Variants in SLCO4C1 observed in about 807,000 individuals in gnomAD.
SLCO4C1 encodes the protein solute carrier organic anion transporter family member 4C1.
Under a neutral mutation model 72.1 loss-of-function variants are expected in SLCO4C1, and 58 were observed. That is an observed-to-expected ratio of 0.80 (90% confidence interval 0.65 to 1.00). SLCO4C1 has a LOEUF of 1.00. Ranked by LOEUF, SLCO4C1 falls within the 50% of genes least tolerant of loss-of-function variation. SLCO4C1 has a pLI of 0.00. For synonymous variants in SLCO4C1, 297 were observed against 312.5 expected (o/e 0.95, Z 0.52); for missense variants, 898 against 857.9 (o/e 1.05, Z -0.58).
intron 2 of SLCO4C1, among the ~76,000 whole-genome samples, chr5:102,281,939 C>T (rs1181287780): frequency 6.6e-6 from 1 of 152,090 alleles, no homozygotes; most frequent in East Asian, 1.9e-4. Flanking sequence ...TATGTTCACA[C>T]AAAAATCTGC....
Position 102,251,601 on chromosome 5 carries a change from A to G in SLCO4C1, c.1470-1813T>C, listed in dbSNP as rs1460241447. 2.0e-5 allele frequency among the ~76,000 whole-genome samples: 3 copies of G among 152,032 alleles called. No individual in the cohort carries two copies. In the East Asian group the frequency reaches 5.8e-4, roughly 29 times the overall value. ...TGAGATCCCATTTCCAAAAAAAAAA[A>G]GAATGGAAGAGTCAAAGGTGACTCC... is the stretch of plus-strand genomic sequence containing the variant. On this transcript the variant is annotated intron_variant, in intron 8 of 12. Coordinates refer to ENST00000310954, the MANE Select transcript of SLCO4C1 (RefSeq NM_180991.5).
rs762457319 is a variant in SLCO4C1 at position 102,270,779 on chromosome 5, G to T, written c.647C>A (p.Thr216Asn). The change falls in exon 3 of 13, where the codon ACC becomes AAC. Residue 216 changes from threonine to asparagine, a missense_variant. By Grantham distance (65) the Thr-to-Asn change is moderately conservative. Coordinates refer to ENST00000310954, the MANE Select transcript of SLCO4C1 (RefSeq NM_180991.5). Reference sequence around the variant, plus strand: ...TGAAGAAGTTGAAGATGTACAACTGGTGCTATTCCTTGTTGTTACACAAGT... The same window carrying T: ...TGAAGAAGTTGAAGATGTACAACTGTTGCTATTCCTTGTTGTTACACAAGT... The part of the protein sequence containing the change: ...EDTCVTTRNS[T>N]SCTSSTSSLS... 27 of 1,603,832 alleles carry T rather than the reference G, an allele frequency of 1.7e-5. No individual in the cohort carries two copies. Among genetic ancestry groups the T allele is most frequent in the South Asian group, 2.2e-5 (2 of 89,216 alleles).
intron 10 of SLCO4C1, 24 bp downstream of exon 10, chr5:102,247,228 A>T (rs1748651226): frequency 6.8e-7 from 1 of 1,459,856 alleles, no homozygotes; most frequent in African/African-American, 1.4e-5. Flanking sequence ...TTAGGGAATG[A>T]AAATTTCTCA....
At position 102,260,094 on chromosome 5, in the gene SLCO4C1, A is replaced by G. The variant is rs984995227; in HGVS notation, c.1128+119T>C. The G allele has an allele frequency of 2.0e-4, 50 of 254,848 alleles. 1 individual carries two copies. Among genetic ancestry groups the G allele is most frequent in the East Asian group, 1.6e-3 (21 of 12,980 alleles). The allele number at this position is 254,848 out of a possible 1,614,324, so 15.8% of individuals were successfully genotyped here. A position where few individuals can be genotyped will look rare whatever the true frequency, so the allele number is the denominator to read the frequency against. On this transcript the variant is annotated intron_variant, in intron 6 of 12. Transcript: ENST00000310954. The stretch of plus-strand genomic sequence containing the variant: ...TACATGTGTGGTTGTATTTGTATAT[A>G]TATATGTGTGTATATATAATATATA...
At chr5:102,275,858 T>C (rs761440078) in intron 2 of SLCO4C1, among the ~76,000 whole-genome samples, 33 of 152,202 alleles carry the variant, frequency 2.2e-4, no homozygotes, top group Non-Finnish European at 4.0e-4. Flanking sequence ...GAACTAGTGC[T>C]CTATAAATCA....
At chr5:102,257,342 A>G in intron 7 of SLCO4C1, 32 bp from the exon 8 acceptor site, 1 of 1,527,850 alleles carries the variant, frequency 6.5e-7, no homozygotes, top group Non-Finnish European at 8.8e-7. Context: ...GATTGTGAGA[A>G]ACCATACACA....
At chr5:102,278,237 T>C (rs1335817539) in intron 2 of SLCO4C1, among the ~76,000 whole-genome samples, 1 of 152,112 alleles carries the variant, frequency 6.6e-6, no homozygotes, top group African/African-American at 2.4e-5. Context: ...AAACTGACTT[T>C]AGAGCAAAAA....
intron 2 of SLCO4C1, among the ~76,000 whole-genome samples, chr5:102,289,451 G>A (rs1425272417): frequency 6.6e-6 from 1 of 152,192 alleles, no homozygotes; most frequent in African/African-American, 2.4e-5. Flanking sequence ...AGCAAGGTTT[G>A]TTTACTTAAG....
chr5:102,285,285 T>TTG (rs1561381157), intron 2 of SLCO4C1, among the ~76,000 whole-genome samples: 1 of 151,656 alleles, frequency 6.6e-6, no homozygotes, highest in Non-Finnish European at 1.5e-5. Flanking sequence ...ATATATTTTT[T>TTG]TTTGTTTGTT....
intron 6 of SLCO4C1, among the ~76,000 whole-genome samples, chr5:102,258,427 C>G (rs1025404624): frequency 1.3e-5 from 2 of 152,090 alleles, no homozygotes; most frequent in Non-Finnish European, 2.9e-5. Context: ...AAATCTACCA[C>G]CTATTTGATA....
rs892014730 is a variant in SLCO4C1 at position 102,293,088 on chromosome 5, C to A, written c.356-1482G>T. 3.3e-5 allele frequency among the ~76,000 whole-genome samples: 5 copies of A among 151,848 alleles called. No individual in the cohort carries two copies. In the East Asian group the frequency reaches 9.6e-4, roughly 29 times the overall value. On this transcript the variant is annotated intron_variant, in intron 1 of 12. Coordinates refer to ENST00000310954, the MANE Select transcript of SLCO4C1 (RefSeq NM_180991.5). ...TATATTTCAAAAAAAATAAATTCAA[C>A]AAATTTAATAAGTTTCAAAACTCAT...
chr5:102,259,854 C>T (rs370176), intron 6 of SLCO4C1, among the ~76,000 whole-genome samples: 114,330 of 151,970 alleles, frequency 0.75, 43,064 homozygotes, highest in Middle Eastern at 0.84. Context: ...ATGATATTGC[C>T]AATAAGACAA....
At chr5:102,264,839 T>TG (rs1749006795) in intron 3 of SLCO4C1, among the ~76,000 whole-genome samples, 1 of 9,490 alleles carries the variant, frequency 1.1e-4, no homozygotes, top group African/African-American at 5.2e-4. Context: ...TGAGCTGATA[T>TG]TTTTTCTTTT....
intron 1 of SLCO4C1, among the ~76,000 whole-genome samples, chr5:102,293,718 T>A (rs1028863646): frequency 6.6e-6 from 1 of 151,516 alleles, no homozygotes; most frequent in Non-Finnish European, 1.5e-5. Context: ...ACTAGTAATT[T>A]ATTGGGTCAC....
At chr5:102,248,916 T>C (rs1748684498) in intron 9 of SLCO4C1, among the ~76,000 whole-genome samples, 1 of 152,174 alleles carries the variant, frequency 6.6e-6, no homozygotes, top group African/African-American at 2.4e-5. Flanking sequence ...ACTATTTAAC[T>C]GTACAGAAAA....
At chr5:102,294,732 T>C (rs1302002682) in intron 1 of SLCO4C1, among the ~76,000 whole-genome samples, 1 of 152,224 alleles carries the variant, frequency 6.6e-6, no homozygotes, top group African/African-American at 2.4e-5. Context: ...GTAGAAGAGC[T>C]GCAGCGGACT....
At chr5:102,279,921 G>T (rs1022118863) in intron 2 of SLCO4C1, among the ~76,000 whole-genome samples, 1 of 151,844 alleles carries the variant, frequency 6.6e-6, no homozygotes, top group Non-Finnish European at 1.5e-5. Context: ...CTCAGAAAAA[G>T]AGGAATAGAG....
At chr5:102,263,633 A>T (rs2112364591) in intron 4 of SLCO4C1, 51 bp downstream of exon 4, 2 of 1,429,570 alleles carry the variant, frequency 1.4e-6, no homozygotes, top group Non-Finnish European at 2.0e-6. Context: ...TGATGCTGGC[A>T]TAATTAAAAT....
chr5:102,278,163 GA>G (rs1459858714), intron 2 of SLCO4C1, among the ~76,000 whole-genome samples: 2 of 151,920 alleles, frequency 1.3e-5, no homozygotes, highest in Non-Finnish European at 2.9e-5. Flanking sequence ...AAGATTGGGG[GA>G]AAAAACATAT....
Sources: gnomAD v4.1 joint callset for allele counts (sites outside exome capture counted in the v4.1 genomes callset) on GRCh38, gnomAD v4.1.1 for gene constraint, MANE v1.5 for transcripts, NCBI Gene and HGNC (gene_info 2026-07-23, HGNC 2026-07-21) for gene names.